PDXDC1: variants seen among roughly 807,000 people sequenced by gnomAD.
PDXDC1 encodes pyridoxal-dependent decarboxylase domain-containing protein 1.
In PDXDC1, 42 loss-of-function variants were observed where a neutral mutation model predicts 100.1. The observed-to-expected ratio is 0.42, with a 90% CI of 0.33 to 0.54. The LOEUF (loss-of-function observed/expected upper bound fraction) is 0.54, where lower values mean the gene tolerates loss of function less well. Among genes scored for constraint, PDXDC1 ranks in the 20% least tolerant of loss-of-function variants. The pLI is 0.10. For missense variants in PDXDC1, 636 were observed against 979.2 expected, an observed-to-expected ratio of 0.65 and a Z score of 4.68; for synonymous variants, 260 against 371.7, an observed-to-expected ratio of 0.70 and a Z score of 3.46.
chr16:15,046,604 T>C (rs558620149), intron 16 of PDXDC1, among the ~76,000 whole-genome samples: 2 of 147,932 alleles, frequency 1.4e-5, no homozygotes, highest in Admixed American at 1.4e-4. Context: ...ACCAATCTGC[T>C]GGAATTTAAA....
At chr16:15,041,359 C>G (rs2043808008), downstream of PDXDC1, among the ~76,000 whole-genome samples, 1 of 152,082 alleles carries the variant, frequency 6.6e-6, no homozygotes, top group South Asian at 2.1e-4. Flanking sequence ...TCTGTGCACC[C>G]TGTCTGCCAC....
chr16:15,137,754 C>A (rs2048395498), intron 16 of PDXDC1: 1 of 1,520,670 alleles, frequency 6.6e-7, no homozygotes, highest in South Asian at 1.2e-5. Context: ...CGGCACTCAC[C>A]ACAGCCACTG....
chr16:14,991,017 T>C (rs1179200205), intron 1 of PDXDC1, among the ~76,000 whole-genome samples: 5 of 152,276 alleles, frequency 3.3e-5, no homozygotes, highest in Admixed American at 1.3e-4. Flanking sequence ...GCTGGGATTA[T>C]AGTCGTGAGC....
At chr16:14,999,081 AT>A (rs1413942163) in intron 3 of PDXDC1, among the ~76,000 whole-genome samples, 7 of 152,274 alleles carry the variant, frequency 4.6e-5, no homozygotes, top group African/African-American at 1.7e-4. Flanking sequence ...ACACTCTCTA[AT>A]TTTGAGACAG....
At chr16:15,011,648 T>TG in intron 8 of PDXDC1, among the ~76,000 whole-genome samples, 1 of 151,746 alleles carries the variant, frequency 6.6e-6, no homozygotes, top group Non-Finnish European at 1.5e-5. Flanking sequence ...TTTTTTTTTT[T>TG]TTGTCTTTTT....
chr16:15,117,667 T>G (rs1598156762), intron 16 of PDXDC1, among the ~76,000 whole-genome samples: 3 of 94,246 alleles, frequency 3.2e-5, no homozygotes, highest in Non-Finnish European at 4.1e-5. Flanking sequence ...TACTCCAGCC[T>G]GGGCAACAGA....
chr16:14,988,011 T>G (rs1969804095), intron 1 of PDXDC1, among the ~76,000 whole-genome samples: 2 of 98,102 alleles, frequency 2.0e-5, no homozygotes, highest in African/African-American at 7.2e-5. Context: ...TTTTTTTTTT[T>G]GCCATACAGG....
chr16:14,975,093 G>A lies in PDXDC1; in HGVS notation c.-107G>A. On this transcript the variant is annotated 5_prime_UTR_variant, in exon 1 of 23. Coordinates refer to ENST00000396410, the MANE Select transcript of PDXDC1 (RefSeq NM_015027.4). ...GCTCCTCCTCTTCTCCGCCCCGCCG[G>A]CCGCGGGCGCGGGGGACGTCAGCGC... The A allele has an allele frequency of 6.8e-7, 1 of 1,468,932 alleles. No homozygotes were observed. Among genetic ancestry groups the A allele is most frequent in the Non-Finnish European group, 8.9e-7 (1 of 1,121,468 alleles). 91.0% of individuals were successfully genotyped at this position (1,468,932 alleles called of 1,614,324 possible). A position where few individuals can be genotyped will look rare whatever the true frequency, so the allele number is the denominator to read the frequency against.
chr16:15,009,588 G>A lies in PDXDC1; in HGVS notation c.649-93G>A, dbSNP rs575361165. 37 of 1,552,698 alleles carry A rather than the reference G, an allele frequency of 2.4e-5. No homozygotes were observed. The East Asian group carries it at 7.4e-4, about 31-fold the overall frequency. On this transcript the variant is annotated intron_variant, in intron 7 of 22. Coordinates refer to ENST00000396410, the MANE Select transcript of PDXDC1 (RefSeq NM_015027.4). ...TAAGAATTGATTTGACATTACTTTT[G>A]AGAGTTATCTGCTTCTTTTGTAAGT...
intron 16 of PDXDC1, chr16:15,127,551 G>A (rs1442659692): frequency 7.0e-6 from 9 of 1,289,422 alleles, no homozygotes; most frequent in East Asian, 5.0e-5. Context: ...GGCCAACAGC[G>A]ACTGTGTCGA....
intron 16 of PDXDC1, chr16:15,073,210 A>T (rs2045309026): frequency 1.9e-6 from 2 of 1,053,826 alleles, no homozygotes; most frequent in Non-Finnish European, 2.8e-6. Flanking sequence ...TCCTGCCTGC[A>T]ATCCCAGCAC....
rs1414295715 is a variant in PDXDC1, at chr16:15,068,115, A to G, written c.1399+38059A>G. ...TTAACACTCTTACAATACTAGATAA[A>G]CATAAATAAAAATATTTTAAATAAC... is the stretch of plus-strand genomic sequence containing the variant. On this transcript the variant is annotated intron_variant, in intron 16 of 16. Transcript: ENST00000535621. 9.4e-6 allele frequency: 14 copies of G among 1,496,762 alleles called. No individual in the cohort carries two copies. The Admixed American group carries it at 2.2e-4, about 24-fold the overall frequency. The allele number at this position is 1,496,762 out of a possible 1,614,324, so 92.7% of individuals were successfully genotyped here.
At chr16:15,143,796 A>C (rs1304905955), downstream of PDXDC1, among the ~76,000 whole-genome samples, 1 of 152,204 alleles carries the variant, frequency 6.6e-6, no homozygotes, top group African/African-American at 2.4e-5. Context: ...TCAGAGCCTC[A>C]CACTCAGAGC....
At chr16:14,983,572 CAAAAAAAAAA>C (rs56258905) in intron 1 of PDXDC1, among the ~76,000 whole-genome samples, 6 of 88,408 alleles carry the variant, frequency 6.8e-5, no homozygotes, top group Admixed American at 4.2e-4. Context: ...GACTCCGTCT[CAAAAAAAAAA>C]AAAAAAAAAA....
intron 1 of PDXDC1, among the ~76,000 whole-genome samples, chr16:14,985,281 C>CTTTTTTTT (rs769346480): frequency 3.5e-5 from 4 of 114,506 alleles, no homozygotes; most frequent in Non-Finnish European, 5.2e-5. Flanking sequence ...TGATAAACAA[C>CTTTTTTTT]TTTTTTTTTT....
chr16:15,133,661 G>A (rs1341665386), intron 16 of PDXDC1: 14 of 1,538,504 alleles, frequency 9.1e-6, no homozygotes, highest in Middle Eastern at 2.3e-4. Flanking sequence ...CAGCAGCAGG[G>A]CGTACACCAG....
intron 16 of PDXDC1, chr16:15,076,414 A>T: frequency 1.5e-6 from 1 of 680,600 alleles, no homozygotes; most frequent in South Asian, 1.6e-5. Flanking sequence ...CATGGCAGCA[A>T]ATTACTCATA....
At chr16:15,131,230 G>T in intron 16 of PDXDC1, 1 of 1,591,208 alleles carries the variant, frequency 6.3e-7, no homozygotes, top group Non-Finnish European at 8.5e-7. Flanking sequence ...AGCCCAGTCC[G>T]AGTTGTTGGG....
At chr16:15,123,234 C>T (rs981723027) in intron 16 of PDXDC1, among the ~76,000 whole-genome samples, 2 of 151,750 alleles carry the variant, frequency 1.3e-5, no homozygotes, top group African/African-American at 2.4e-5. Context: ...ACCCCTCCCC[C>T]ATCTCAGTCC....
Sources: gnomAD v4.1 joint callset for allele counts (sites outside exome capture counted in the v4.1 genomes callset) on GRCh38, gnomAD v4.1.1 for gene constraint, MANE v1.5 for transcripts, NCBI Gene and HGNC (gene_info 2026-07-23, HGNC 2026-07-21) for gene names.